ARID1B: variants seen among roughly 807,000 people sequenced by gnomAD.
ARID1B encodes AT-rich interactive domain-containing protein 1B.
A neutral mutation model predicts 212.3 loss-of-function variants in ARID1B; 30 were observed. That is an observed-to-expected ratio of 0.14 (90% CI 0.11 to 0.19). The LOEUF is 0.19. ARID1B is among the 10% of genes least tolerant of loss of function. ARID1B has a pLI of 1.00. For missense variants in ARID1B, 2,891 were observed against 3,204.0 expected (o/e 0.90, Z 2.36); for synonymous variants, 1,402 against 1,301.7 (o/e 1.08, Z -1.66).
intron 2 of ARID1B, among the ~76,000 whole-genome samples, chr6:156,834,444 G>A (rs1392182183): frequency 1.3e-5 from 2 of 152,136 alleles, no homozygotes; most frequent in East Asian, 1.9e-4. Flanking sequence ...TCATATCTGT[G>A]TGCACATGTA....
intron 2 of ARID1B, among the ~76,000 whole-genome samples, chr6:156,889,675 G>C (rs1362190107): frequency 1.3e-5 from 2 of 152,202 alleles, no homozygotes; most frequent in African/African-American, 2.4e-5. Context: ...CGTGTTTGCT[G>C]TGCCTTCGGG....
Position 157,084,755 on chromosome 6 carries a change from G to A in ARID1B, c.2341G>A (p.Asp781Asn), listed in dbSNP as rs374648940. ...SASGSTSSQG[D>N]QSNPAQSPFS... ...ATCCGGGTCCACGAGCAGCCAAGGG[G>A]ATCAGAGCAACCCGGCGCAGTCGCC... Residue 781 changes from aspartate to asparagine, a missense_variant, in exon 5 of 20, where the codon GAT becomes AAT. Around this residue, in one of 7 missense-constraint regions of ARID1B, gnomAD observed 1,643 missense variants for 1,544.0 expected, o/e 1.06. Transcript: ENST00000636930. 1 of 1,614,030 alleles carries A rather than the reference G, an allele frequency of 6.2e-7. No homozygotes were observed. Among genetic ancestry groups the A allele is most frequent in the Non-Finnish European group, 8.5e-7 (1 of 1,180,032 alleles).
At chr6:157,016,501 T>A (rs909739012) in intron 4 of ARID1B, among the ~76,000 whole-genome samples, 1 of 152,228 alleles carries the variant, frequency 6.6e-6, no homozygotes, top group African/African-American at 2.4e-5. Flanking sequence ...TGTTTCCTTA[T>A]AACTTGGAGG....
At chr6:156,917,293 TA>T (rs1790436341) in intron 3 of ARID1B, among the ~76,000 whole-genome samples, 1 of 152,264 alleles carries the variant, frequency 6.6e-6, no homozygotes, top group African/African-American at 2.4e-5. Context: ...TGTACTTATT[TA>T]CCTCAGGGTC....
Position 156,934,961 on chromosome 6 carries a change from T to A in ARID1B, c.2137-505T>A, listed in dbSNP as rs9480408. ...ATATATATATATATATATATATATA[T>A]AGTTTATATTTCTGCTGTTATTCAC... On this transcript the variant is annotated intron_variant, in intron 3 of 19. Transcript: ENST00000636930. Among the ~76,000 whole-genome samples the A allele has an allele frequency of 9.1e-3, 820 of 90,368 alleles. 19 individuals are homozygous for A. The highest frequency in any genetic ancestry group is 0.03 in the East Asian group (74 of 2,428). The allele number at this position is 90,368 out of a possible 152,430, so 59.3% of individuals were successfully genotyped here.
In ARID1B at chr6:156,786,083, T is replaced by C. The variant is rs537204497; in HGVS notation, c.1791+6612T>C. ...GATAATAGGGTGTGGAAATGAACTG[T>C]TACCATTCTCACTTTTCCCTTGCTT... is the stretch of plus-strand genomic sequence containing the variant. On this transcript the variant is annotated intron_variant, in intron 1 of 19. Coordinates refer to ENST00000636930, the MANE Select transcript of ARID1B (RefSeq NM_001374828.1). Among the ~76,000 whole-genome samples the C allele has an allele frequency of 5.3e-5, 8 of 152,340 alleles. No homozygotes were observed. The South Asian group carries it at 6.2e-4, about 12-fold the overall frequency.
At chr6:157,010,278 G>GTTTTTTTT (rs367851681) in intron 4 of ARID1B, among the ~76,000 whole-genome samples, 10 of 102,236 alleles carry the variant, frequency 9.8e-5, no homozygotes, top group African/African-American at 1.2e-4. Flanking sequence ...TGCATTGCCT[G>GTTTTTTTT]TTTTTTTTTT....
chr6:157,121,800 T>A (rs1047570510), intron 6 of ARID1B, among the ~76,000 whole-genome samples: 13 of 152,088 alleles, frequency 8.5e-5, no homozygotes, highest in African/African-American at 2.4e-4. Context: ...CCCGGCTAAT[T>A]TTTGTATTTT....
At chr6:156,991,607 C>A (rs1562533191) in intron 4 of ARID1B, among the ~76,000 whole-genome samples, 1 of 152,138 alleles carries the variant, frequency 6.6e-6, no homozygotes, top group Non-Finnish European at 1.5e-5. Context: ...GGGAAAAGTT[C>A]ATACTTATAT....
At chr6:157,129,084 A>G (rs1198772292) in intron 6 of ARID1B, among the ~76,000 whole-genome samples, 3 of 152,246 alleles carry the variant, frequency 2.0e-5, no homozygotes, top group Non-Finnish European at 4.4e-5. Flanking sequence ...ATCCAAGTGA[A>G]AAGATATTTT....
chr6:157,169,555 CA>C (rs2128295654), intron 9 of ARID1B: 1 of 152,124 alleles, frequency 6.6e-6, no homozygotes, highest in East Asian at 1.9e-4. Flanking sequence ...TGTTTTGTTT[CA>C]ATTATTTAGA....
At chr6:156,976,766 A>G (rs1186428829) in intron 4 of ARID1B, 1 of 532,332 alleles carries the variant, frequency 1.9e-6, no homozygotes, top group East Asian at 4.9e-5. Context: ...TCATTCATCA[A>G]AGTTAGCGAG....
intron 15 of ARID1B, chr6:157,195,131 T>C (rs979370950): frequency 1.3e-5 from 2 of 152,244 alleles, no homozygotes; most frequent in Non-Finnish European, 2.9e-5. Context: ...ACCACAAACT[T>C]AGCAGCTTAA....
At chr6:156,880,739 C>CAAAAAAA (rs141153792) in intron 2 of ARID1B, among the ~76,000 whole-genome samples, 283 of 86,872 alleles carry the variant, frequency 3.3e-3, no homozygotes, top group Admixed American at 6.5e-3. Flanking sequence ...GACTCTGTCT[C>CAAAAAAA]AAAAAAAAAA....
chr6:157,122,581 G>A (rs895280422), intron 6 of ARID1B, among the ~76,000 whole-genome samples: 1 of 152,244 alleles, frequency 6.6e-6, no homozygotes, highest in Admixed American at 6.5e-5. Flanking sequence ...CCCGGGTCGG[G>A]CTCATACCCT....
Position 156,971,670 on chromosome 6 carries a change from G to T in ARID1B, c.2247+36094G>T, listed in dbSNP as rs192901812. On this transcript the variant is annotated intron_variant, in intron 4 of 19. Coordinates refer to ENST00000636930, the MANE Select transcript of ARID1B (RefSeq NM_001374828.1). The stretch of plus-strand genomic sequence containing the variant: ...AGCCGGGGCTGTGATCTCATCTAGG[G>T]CTTGTGGGGGTTCCTCTTCCAAGCT... Among the ~76,000 whole-genome samples, 340 of 152,244 alleles carry T rather than the reference G, an allele frequency of 2.2e-3. 1 individual carries two copies. Among genetic ancestry groups the T allele is most frequent in the African/African-American group, 7.6e-3 (315 of 41,534 alleles).
At chr6:156,808,675 A>G (rs1781351127) in intron 1 of ARID1B, among the ~76,000 whole-genome samples, 1 of 152,208 alleles carries the variant, frequency 6.6e-6, no homozygotes, top group Non-Finnish European at 1.5e-5. Flanking sequence ...TCTAATCTAC[A>G]TGCCACTATG....
At chr6:156,976,728 G>C in intron 4 of ARID1B, 1 of 460,712 alleles carries the variant, frequency 2.2e-6, no homozygotes, top group South Asian at 1.7e-5. Context: ...TTTTTAAGCT[G>C]TAACACTCAC....
chr6:157,085,470 A>G (rs1184360298), intron 5 of ARID1B, among the ~76,000 whole-genome samples: 2 of 151,770 alleles, frequency 1.3e-5, no homozygotes, highest in East Asian at 1.9e-4. Flanking sequence ...CATTTATTTC[A>G]CTTGTCATGC....
Sources: allele counts gnomAD v4.1 joint callset (sites outside exome capture counted in the v4.1 genomes callset), GRCh38; gene constraint gnomAD v4.1.1; regional missense constraint gnomAD v4.1.1; transcripts MANE v1.5; gene names NCBI Gene and HGNC (gene_info 2026-07-23, HGNC 2026-07-21).